SECISBP2L: variants seen among roughly 807,000 people sequenced by gnomAD.
SECISBP2L encodes selenocysteine insertion sequence-binding protein 2-like.
SECISBP2L carries 43 observed loss-of-function variants against 114.7 expected under a neutral mutation model. That is an observed-to-expected ratio of 0.38 (90% CI 0.29 to 0.48). The LOEUF (loss-of-function observed/expected upper bound fraction) is 0.48. Among genes scored for constraint, SECISBP2L ranks in the 20% least tolerant of loss-of-function variants. The pLI, the probability that SECISBP2L is intolerant of heterozygous loss-of-function variation, is 0.98. For missense variants in SECISBP2L, 1,136 were observed against 1,301.1 expected (o/e 0.87, Z 1.95); for synonymous variants, 451 against 439.7 (o/e 1.03, Z -0.32).
At position 48,992,885 on chromosome 15, in the gene SECISBP2L, C is replaced by T; in HGVS notation, c.2665G>A (p.Glu889Lys). ...ACCTCTTTCTCATTTTCTGATGCTTCCAGTCCATCTGAAGTTTCCACCATG... is the reference window on the plus strand; with the variant it reads ...ACCTCTTTCTCATTTTCTGATGCTTTCAGTCCATCTGAAGTTTCCACCATG... Reference protein sequence around the residue: ...RNMVETSDGLEASENEKEVSC... With the variant: ...RNMVETSDGLKASENEKEVSC... Residue 889 changes from glutamate (E) to lysine (K), a missense_variant, in exon 18 of 18, where the codon GAA becomes AAA. By Grantham distance (56) the Glu-to-Lys change is moderately conservative (BLOSUM62 1). Around this residue, in one of 2 missense-constraint regions of SECISBP2L, gnomAD observed 684 missense variants for 848.7 expected, o/e 0.81. Coordinates refer to ENST00000559471, the MANE Select transcript of SECISBP2L (RefSeq NM_001193489.2). 1 of 1,614,060 alleles carries T rather than the reference C, an allele frequency of 6.2e-7. No individual in the cohort carries two copies. The highest frequency in any genetic ancestry group is 2.2e-5 in the East Asian group (1 of 44,882).
chr15:49,014,279 CTA>C (rs1420898045), intron 11 of SECISBP2L, among the ~76,000 whole-genome samples: 3 of 152,176 alleles, frequency 2.0e-5, no homozygotes, highest in Admixed American at 1.3e-4. Flanking sequence ...TTTCTCAAAT[CTA>C]TGTTTCTTGT....
chr15:48,994,614 C>T (rs1452168075), intron 17 of SECISBP2L, among the ~76,000 whole-genome samples: 1 of 152,146 alleles, frequency 6.6e-6, no homozygotes, highest in African/African-American at 2.4e-5. Context: ...TTCCTCCTTT[C>T]CCCTTCAGAC....
At chr15:49,020,229 C>T (rs571261943) in intron 7 of SECISBP2L, among the ~76,000 whole-genome samples, 36 of 152,170 alleles carry the variant, frequency 2.4e-4, no homozygotes, top group Non-Finnish European at 4.3e-4. Flanking sequence ...TTTTTAGAGA[C>T]GTGATCTTGC....
At chr15:49,000,567 T>C (rs889333722) in intron 15 of SECISBP2L, among the ~76,000 whole-genome samples, 2 of 152,296 alleles carry the variant, frequency 1.3e-5, no homozygotes, top group Admixed American at 6.5e-5. Flanking sequence ...ACCATAAAAT[T>C]TTAAAAGCAG....
chr15:49,000,095 C>T, intron 15 of SECISBP2L, 108 bp from the exon 16 acceptor site: 1 of 1,089,914 alleles, frequency 9.2e-7, no homozygotes. Flanking sequence ...TCTATGAACA[C>T]TTGTAGCACT....
chr15:49,039,029 T>G (rs563751199), intron 1 of SECISBP2L, among the ~76,000 whole-genome samples: 15 of 152,200 alleles, frequency 9.9e-5, no homozygotes, highest in African/African-American at 3.6e-4. Flanking sequence ...TTCAGAAAAA[T>G]TAACTTCTCT....
chr15:49,040,581 G>A (rs1478380476), intron 1 of SECISBP2L, among the ~76,000 whole-genome samples: 2 of 118,856 alleles, frequency 1.7e-5, no homozygotes, highest in East Asian at 2.6e-4. Context: ...TGTGGCCCAG[G>A]CGGGAGTGCA....
chr15:49,036,687 C>A (rs1903015015), intron 2 of SECISBP2L, among the ~76,000 whole-genome samples: 1 of 152,162 alleles, frequency 6.6e-6, no homozygotes, highest in East Asian at 1.9e-4. Flanking sequence ...TTTGTCTAAC[C>A]CTCAAGACTC....
At chr15:48,993,114 T>A (rs1176464761) in intron 17 of SECISBP2L, among the ~76,000 whole-genome samples, 188 bp from the exon 18 acceptor site, 241 of 151,258 alleles carry the variant, frequency 1.6e-3, no homozygotes, top group Admixed American at 4.3e-3. Flanking sequence ...TGTGTGTGTG[T>A]GTGTGTGTGT....
chr15:49,009,250 T>C lies in SECISBP2L; in HGVS notation c.1993A>G (p.Thr665Ala), dbSNP rs1201914637. 7 of 1,614,190 alleles carry C rather than the reference T, an allele frequency of 4.3e-6. No individual in the cohort carries two copies. Among genetic ancestry groups the C allele is most frequent in the Admixed American group, 1.7e-5 (1 of 60,034 alleles). ...SGIGSPMASSTITKIHSKRFR... is the reference protein window; with the variant it reads ...SGIGSPMASSAITKIHSKRFR... ...CTTTTGCTGTGGATTTTGGTTATTG[T>C]TGAAGATGCCATTGGACTGCCTATT... is the stretch of plus-strand genomic sequence containing the variant. Residue 665 changes from threonine (T) to alanine (A), a missense_variant, in exon 14 of 18, where the codon ACA (threonine) becomes GCA (alanine). Around this residue, in one of 2 missense-constraint regions of SECISBP2L, gnomAD observed 684 missense variants for 848.7 expected, o/e 0.81. Coordinates refer to ENST00000559471, the MANE Select transcript of SECISBP2L (RefSeq NM_001193489.2).
chr15:48,994,664 T>G (rs1469273904), intron 17 of SECISBP2L, among the ~76,000 whole-genome samples: 2 of 152,170 alleles, frequency 1.3e-5, no homozygotes, highest in Non-Finnish European at 2.9e-5. Context: ...TGTTAGTTCC[T>G]TCATGAAGTT....
chr15:49,026,157 T>A (rs565149259), intron 7 of SECISBP2L, among the ~76,000 whole-genome samples: 232 of 152,248 alleles, frequency 1.5e-3, no homozygotes, highest in Non-Finnish European at 1.9e-3. Context: ...GTCACTCACA[T>A]GTGGAAGCTA....
At chr15:49,043,629 GA>G (rs993578853) in intron 1 of SECISBP2L, among the ~76,000 whole-genome samples, 2 of 146,604 alleles carry the variant, frequency 1.4e-5, no homozygotes, top group Non-Finnish European at 3.0e-5. Context: ...TTTTTCAGGG[GA>G]AAAAATGCAT....
intron 4 of SECISBP2L, among the ~76,000 whole-genome samples, chr15:49,031,374 A>T (rs1462604246): frequency 6.6e-6 from 1 of 151,936 alleles, no homozygotes; most frequent in African/African-American, 2.4e-5. Flanking sequence ...CTGCCTATAC[A>T]TCCCATATGT....
chr15:49,037,552 C>A, intron 2 of SECISBP2L, 39 bp downstream of exon 2: 2 of 1,576,996 alleles, frequency 1.3e-6, no homozygotes, highest in Non-Finnish European at 1.7e-6. Flanking sequence ...GCTTTTATAG[C>A]CACCCCCACA....
chr15:49,027,610 AT>A (rs1038828132), intron 6 of SECISBP2L, 130 bp from the exon 7 acceptor site: 6,791 of 357,492 alleles, frequency 0.019, no homozygotes, highest in East Asian at 0.065. Flanking sequence ...AAACCTTATT[AT>A]TTTTTTTTTT....
At chr15:49,017,794 T>A in intron 8 of SECISBP2L, 166 bp from the exon 9 acceptor site, 1 of 506,978 alleles carries the variant, frequency 2.0e-6, no homozygotes. Context: ...TGCTAAAATA[T>A]AAACAATTTA....
chr15:48,995,826 A>G (rs1902073844), intron 17 of SECISBP2L: 1 of 152,708 alleles, frequency 6.5e-6, no homozygotes, highest in Non-Finnish European at 1.5e-5. Flanking sequence ...GCTAGGTTTT[A>G]TAAGCCTAGA....
chr15:49,007,687 G>A (rs571976269), intron 14 of SECISBP2L, among the ~76,000 whole-genome samples: 2 of 152,312 alleles, frequency 1.3e-5, no homozygotes, highest in South Asian at 4.1e-4. Flanking sequence ...TTGGTAAAGA[G>A]TTACTGAAGA....
Sources: allele counts gnomAD v4.1 joint callset (sites outside exome capture counted in the v4.1 genomes callset), GRCh38; gene constraint gnomAD v4.1.1; regional missense constraint gnomAD v4.1.1; transcripts MANE v1.5; gene names NCBI Gene and HGNC (gene_info 2026-07-23, HGNC 2026-07-21).